The following PKD2 variants were observed in gnomAD, a reference collection of about 807,000 sequenced individuals.
The protein encoded by PKD2 is polycystin-2.
Under a neutral mutation model 105.9 loss-of-function variants are expected in PKD2, and 48 were observed. The ratio of observed to expected loss-of-function variants is 0.45; its 90% CI spans 0.36 to 0.58. PKD2 has a LOEUF of 0.58. Among genes scored for constraint, PKD2 ranks in the 20% least tolerant of loss-of-function variants. PKD2 has a pLI of 0.00. For missense variants in PKD2, 1,078 were observed against 1,255.3 expected (o/e 0.86, Z 2.13); for synonymous variants, 464 against 481.1 (o/e 0.96, Z 0.46).
rs370862925 is a variant in PKD2, at chr4:88,032,556, A to G, written c.710-3664A>G. On this transcript the variant is annotated intron_variant, in intron 2 of 14. Transcript: ENST00000237596. Reference sequence around the variant, plus strand: ...ACAAGGATTAAATAGCAGAAGAAAGATGTGTACATATGTACAGATGTATGT... The same window carrying G: ...ACAAGGATTAAATAGCAGAAGAAAGGTGTGTACATATGTACAGATGTATGT... 1.1e-4 allele frequency among the ~76,000 whole-genome samples: 16 copies of G among 152,344 alleles called. No individual in the cohort carries two copies. In the East Asian group the frequency reaches 3.1e-3, roughly 29 times the overall value.
At chr4:88,050,426 G>T (rs1215193628) in intron 6 of PKD2, among the ~76,000 whole-genome samples, 1 of 152,108 alleles carries the variant, frequency 6.6e-6, no homozygotes, top group African/African-American at 2.4e-5. Context: ...TGTAGATAGG[G>T]ATGAGAATCC....
At chr4:88,013,736 T>G (rs1439834037) in intron 1 of PKD2, among the ~76,000 whole-genome samples, 4 of 150,066 alleles carry the variant, frequency 2.7e-5, no homozygotes, top group Admixed American at 6.6e-5. Flanking sequence ...GAGGATCAGA[T>G]TTACCTGGAG....
chr4:88,027,949 C>T (rs544127475), intron 2 of PKD2, among the ~76,000 whole-genome samples: 7 of 152,194 alleles, frequency 4.6e-5, no homozygotes, highest in Non-Finnish European at 1.0e-4. Flanking sequence ...AACTGTGAGT[C>T]AATTAAACCT....
At chr4:88,011,188 A>T (rs1046247025) in intron 1 of PKD2, among the ~76,000 whole-genome samples, 1 of 152,186 alleles carries the variant, frequency 6.6e-6, no homozygotes, top group Non-Finnish European at 1.5e-5. Flanking sequence ...TTTCTTAGCA[A>T]ATTCTTTTTA....
intron 4 of PKD2, 31 bp from the exon 5 acceptor site, chr4:88,043,196 TTGTAAC>T (rs1178833444): frequency 8.4e-6 from 11 of 1,304,172 alleles, no homozygotes; most frequent in Non-Finnish European, 1.2e-5. Context: ...GTTCCACTGA[TTGTAAC>T]TGTTTGTTTT....
At chr4:88,064,694 C>T (rs1253271428) in intron 10 of PKD2, among the ~76,000 whole-genome samples, 3 of 151,780 alleles carry the variant, frequency 2.0e-5, no homozygotes, top group African/African-American at 7.3e-5. Flanking sequence ...GAGTTCAACA[C>T]CAGCCTGGGC....
intron 1 of PKD2, among the ~76,000 whole-genome samples, chr4:88,010,202 C>T (rs1001399227): frequency 4.6e-5 from 7 of 152,030 alleles, no homozygotes; most frequent in Non-Finnish European, 8.8e-5. Flanking sequence ...TCAAGCTGCC[C>T]TCCCACCTCA....
At chr4:88,027,734 A>G (rs1332221306) in intron 2 of PKD2, among the ~76,000 whole-genome samples, 4 of 152,084 alleles carry the variant, frequency 2.6e-5, no homozygotes, top group Non-Finnish European at 5.9e-5. Context: ...GAGGGACCTG[A>G]TGGGAGGTGA....
At chr4:88,026,325 A>G (rs980263429) in intron 2 of PKD2, among the ~76,000 whole-genome samples, 1 of 152,200 alleles carries the variant, frequency 6.6e-6, no homozygotes, top group Non-Finnish European at 1.5e-5. Flanking sequence ...TAGCGAAGAG[A>G]CTGGCAGCAT....
At chr4:88,061,244 A>G (rs1188757593) in intron 9 of PKD2, among the ~76,000 whole-genome samples, 1 of 152,234 alleles carries the variant, frequency 6.6e-6, no homozygotes, top group Non-Finnish European at 1.5e-5. Flanking sequence ...AGTGTATGTA[A>G]AAGTTTCTAA....
intron 3 of PKD2, among the ~76,000 whole-genome samples, chr4:88,037,645 A>G (rs563025137): frequency 1.3e-5 from 2 of 152,200 alleles, no homozygotes; most frequent in South Asian, 4.1e-4. Context: ...TCTGTTGATC[A>G]TCTGACAAGG....
chr4:88,024,276 G>A (rs888390018), intron 2 of PKD2, among the ~76,000 whole-genome samples: 14 of 151,914 alleles, frequency 9.2e-5, no homozygotes, highest in African/African-American at 3.1e-4. Flanking sequence ...GGGCAACTTG[G>A]CGAGACCTCG....
intron 2 of PKD2, among the ~76,000 whole-genome samples, chr4:88,025,996 T>G (rs559647248): frequency 4.6e-5 from 7 of 152,204 alleles, no homozygotes; most frequent in African/African-American, 1.7e-4. Context: ...AATTACCGAG[T>G]CTCAGGCAGT....
rs568524032 is a variant in PKD2, at chr4:88,067,875, C to T, written c.2359-23C>T. ...TGGGGTCTCAGTGTTCTGCTCCTCA[C>T]TCAGTGACCCCTTGTTCTTCAGGAG... On this transcript the variant is annotated intron_variant, in intron 12 of 14. Transcript: ENST00000237596. 4.3e-6 allele frequency: 7 copies of T among 1,611,110 alleles called. No individual in the cohort carries two copies. The African/African-American group carries it at 6.7e-5, about 15-fold the overall frequency.
intron 9 of PKD2, among the ~76,000 whole-genome samples, chr4:88,059,826 CTT>C (rs1317462546): frequency 6.6e-6 from 1 of 152,110 alleles, no homozygotes; most frequent in Non-Finnish European, 1.5e-5. Context: ...ACAAACCTGT[CTT>C]TTAAGGAAAT....
intron 2 of PKD2, among the ~76,000 whole-genome samples, chr4:88,030,308 T>C (rs1727100483): frequency 6.6e-6 from 1 of 151,954 alleles, no homozygotes; most frequent in South Asian, 2.1e-4. Flanking sequence ...CCCAGCTAAT[T>C]TTATTTGTTG....
In PKD2 at chr4:88,074,885, A is replaced by G. The variant is rs1480227336; in HGVS notation, c.2596A>G (p.Lys866Glu). ...IVSKIDAVIV[K>E]LEIMERAKLK... is the part of the protein sequence containing the mutation. Reference sequence around the variant, plus strand: ...GTCCAAGATTGACGCCGTGATCGTGAAGCTAGAGATTATGGAGCGAGCCAA... The same window carrying G: ...GTCCAAGATTGACGCCGTGATCGTGGAGCTAGAGATTATGGAGCGAGCCAA... Residue 866 changes from lysine to glutamate, a missense_variant, in exon 14 of 15, where the codon AAG becomes GAG. Lys to Glu is a moderately conservative substitution (Grantham distance 56). Transcript: ENST00000237596. 1 of 1,614,174 alleles carries G rather than the reference A, an allele frequency of 6.2e-7. No individual in the cohort carries two copies. The highest frequency in any genetic ancestry group is 8.5e-7 in the Non-Finnish European group (1 of 1,180,026).
intron 10 of PKD2, among the ~76,000 whole-genome samples, chr4:88,062,335 A>G (rs2110134423): frequency 6.6e-6 from 1 of 152,322 alleles, no homozygotes; most frequent in South Asian, 2.1e-4. Flanking sequence ...TGAGTTGAGA[A>G]TAAACTAGAA....
chr4:88,019,310 G>T (rs1726665545), intron 1 of PKD2, 148 bp from the exon 2 acceptor site: 3 of 611,370 alleles, frequency 4.9e-6, no homozygotes, highest in Non-Finnish European at 5.7e-6. Flanking sequence ...CAGTTTCTCA[G>T]TTGCATTCAA....
Sources: gnomAD v4.1 joint callset for allele counts (sites outside exome capture counted in the v4.1 genomes callset) on GRCh38, gnomAD v4.1.1 for gene constraint, MANE v1.5 for transcripts, NCBI Gene and HGNC (gene_info 2026-07-23, HGNC 2026-07-21) for gene names.